The following PKP4 variants were observed in gnomAD, a reference collection of about 807,000 sequenced individuals.
PKP4 encodes plakophilin-4.
PKP4 carries 90 observed loss-of-function variants against 145.1 expected under a neutral mutation model. The observed-to-expected ratio is 0.62, with a 90% CI of 0.52 to 0.74. PKP4 has a LOEUF of 0.74. Among genes scored for constraint, PKP4 ranks in the 30% least tolerant of loss-of-function variants. The pLI is 0.00. For missense variants in PKP4, 1,340 were observed against 1,482.7 expected (o/e 0.90, Z 1.58); for synonymous variants, 563 against 577.2 (o/e 0.98, Z 0.35).
chr2:158,517,554 T>C (rs984514390), intron 1 of PKP4, among the ~76,000 whole-genome samples: 1 of 152,202 alleles, frequency 6.6e-6, no homozygotes, highest in Non-Finnish European at 1.5e-5. Context: ...ACCTGGTTTA[T>C]AGTGTGGTTG....
intron 2 of PKP4, among the ~76,000 whole-genome samples, chr2:158,540,660 T>TATGTC (rs897283489): frequency 2.0e-5 from 3 of 152,130 alleles, no homozygotes; most frequent in Non-Finnish European, 4.4e-5. Context: ...TGCCCCCTTT[T>TATGTC]AGTTTAAACA....
rs938031945 is a variant in PKP4, at chr2:158,614,735, T to A, written c.281-6255T>A. ...AAAATCAAGAATCCAGTTTTAGCCTTTAATATTTTATGTTTGATATAAACA... is the reference window on the plus strand; with the variant it reads ...AAAATCAAGAATCCAGTTTTAGCCTATAATATTTTATGTTTGATATAAACA... On this transcript the variant is annotated intron_variant, in intron 4 of 21. Transcript: ENST00000389759. 1.4e-4 allele frequency among the ~76,000 whole-genome samples: 22 copies of A among 152,212 alleles called. 1 individual carries two copies. The highest frequency in any genetic ancestry group is 1.4e-3 in the Admixed American group (22 of 15,282).
At chr2:158,465,345 C>G (rs1359572327) in intron 1 of PKP4, among the ~76,000 whole-genome samples, 1 of 152,120 alleles carries the variant, frequency 6.6e-6, no homozygotes, top group Non-Finnish European at 1.5e-5. Context: ...GAAAAGTCTG[C>G]ACCAAAGATA....
In PKP4 at chr2:158,640,726, C is replaced by T. The variant is rs755688367; in HGVS notation, c.1662C>T (p.His554=). Residue 554 remains histidine, a synonymous_variant, in exon 10 of 22, where the codon CAC becomes CAT. Coordinates refer to ENST00000389759, the MANE Select transcript of PKP4 (RefSeq NM_003628.6). The part of the protein sequence containing the change: ...VQANAAAYLQ[H]LCFGDNKVKM... ...CAAATGCAGCGGCCTACCTGCAGCA[C>T]CTGTGCTTTGGTGACAACAAAGTGA... The T allele has an allele frequency of 1.2e-6, 2 of 1,614,118 alleles. No individual in the cohort carries two copies. The highest frequency in any genetic ancestry group is 2.2e-5 in the South Asian group (2 of 91,088).
chr2:158,577,215 C>A, intron 2 of PKP4, 56 bp from the exon 3 acceptor site: 1 of 1,025,956 alleles, frequency 9.7e-7, no homozygotes, highest in Non-Finnish European at 1.5e-6. Flanking sequence ...ATTCATATAT[C>A]TGCCTGAGCA....
At position 158,463,317 on chromosome 2, in the gene PKP4, G is replaced by A. The variant is rs139050736; in HGVS notation, c.-6+6099G>A. ...TTGCTAGTCAGTACATGAATAAAGC[G>A]TTAGAAAGTGTTCATCATTTAACAC... On this transcript the variant is annotated intron_variant, in intron 1 of 21. Coordinates refer to ENST00000389759, the MANE Select transcript of PKP4 (RefSeq NM_003628.6). 7.0e-3 allele frequency among the ~76,000 whole-genome samples: 1,061 copies of A among 151,472 alleles called. 6 individuals carry two copies. The highest frequency in any genetic ancestry group is 0.017 in the Middle Eastern group (5 of 294).
At chr2:158,607,135 T>C (rs1311052224) in intron 4 of PKP4, among the ~76,000 whole-genome samples, 2 of 152,224 alleles carry the variant, frequency 1.3e-5, no homozygotes, top group Non-Finnish European at 2.9e-5. Flanking sequence ...ACCAAGTTGC[T>C]TTCCTGAAAG....
At chr2:158,521,391 A>G (rs930370033) in intron 1 of PKP4, among the ~76,000 whole-genome samples, 2 of 152,072 alleles carry the variant, frequency 1.3e-5, no homozygotes, top group African/African-American at 4.8e-5. Context: ...AATTTTTTTT[A>G]CCAGATTATC....
chr2:158,497,235 C>G (rs1015618700), intron 1 of PKP4, among the ~76,000 whole-genome samples: 11 of 152,152 alleles, frequency 7.2e-5, no homozygotes, highest in South Asian at 2.1e-4. Context: ...ATTCAACTAT[C>G]GGGAAGCTCC....
chr2:158,662,790 A>T, intron 13 of PKP4, 107 bp from the exon 14 acceptor site: 3 of 719,900 alleles, frequency 4.2e-6, no homozygotes, highest in Non-Finnish European at 6.6e-6. Flanking sequence ...AATAAAAAGT[A>T]GTTCTTTCAT....
chr2:158,607,172 G>T (rs950865120), intron 4 of PKP4, among the ~76,000 whole-genome samples: 1 of 152,108 alleles, frequency 6.6e-6, no homozygotes, highest in African/African-American at 2.4e-5. Context: ...CTCCCTCCAG[G>T]TGTATGGGAT....
rs1488638042 is a variant in PKP4, at chr2:158,680,659, C to T, written c.3561C>T (p.Ser1187=). ...PSYRAEQYPG[S]PDSWV Reference sequence around the variant, plus strand: ...ATAGAGCAGAACAGTACCCAGGGTCCCCAGACTCATGGGTGTAGCATCAAG... The same window carrying T: ...ATAGAGCAGAACAGTACCCAGGGTCTCCAGACTCATGGGTGTAGCATCAAG... Residue 1187 remains serine (S), a synonymous_variant, in exon 22 of 22, where the codon TCC becomes TCT. Coordinates refer to ENST00000389759, the MANE Select transcript of PKP4 (RefSeq NM_003628.6). The T allele has an allele frequency of 6.2e-7, 1 of 1,612,954 alleles. No homozygotes were observed. Among genetic ancestry groups the T allele is most frequent in the South Asian group, 1.1e-5 (1 of 90,806 alleles).
At chr2:158,589,418 C>G (rs751689257) in intron 3 of PKP4, among the ~76,000 whole-genome samples, 1 of 152,148 alleles carries the variant, frequency 6.6e-6, no homozygotes, top group Non-Finnish European at 1.5e-5. Flanking sequence ...TGCCACTGCA[C>G]CCCTCCAAAC....
chr2:158,511,944 A>G (rs2041555563), intron 1 of PKP4, among the ~76,000 whole-genome samples: 1 of 152,218 alleles, frequency 6.6e-6, no homozygotes, highest in South Asian at 2.1e-4. Context: ...TATTAAAGCC[A>G]GCAAGAATGG....
intron 3 of PKP4, among the ~76,000 whole-genome samples, chr2:158,586,303 A>G (rs2048800319): frequency 6.6e-6 from 1 of 152,170 alleles, no homozygotes; most frequent in Non-Finnish European, 1.5e-5. Context: ...GAGCAAAGGG[A>G]GATTCCCCTT....
chr2:158,512,461 C>T (rs1468639821), intron 1 of PKP4, among the ~76,000 whole-genome samples: 1 of 152,216 alleles, frequency 6.6e-6, no homozygotes, highest in African/African-American at 2.4e-5. Context: ...GCATGTGCAA[C>T]ATTCTCAGCC....
intron 1 of PKP4, among the ~76,000 whole-genome samples, chr2:158,494,624 G>T (rs948842554): frequency 1.3e-5 from 2 of 152,140 alleles, no homozygotes; most frequent in Admixed American, 1.3e-4. Flanking sequence ...CAGTTGCAAA[G>T]ACTTTTTCAA....
At position 158,476,693 on chromosome 2, in the gene PKP4, C is replaced by T. The variant is rs1014109735; in HGVS notation, c.-6+19475C>T. 6.6e-5 allele frequency among the ~76,000 whole-genome samples: 10 copies of T among 150,842 alleles called. No individual in the cohort carries two copies. In the South Asian group the frequency reaches 1.0e-3, roughly 16 times the overall value. On this transcript the variant is annotated intron_variant, in intron 1 of 21. Coordinates refer to ENST00000389759, the MANE Select transcript of PKP4 (RefSeq NM_003628.6). ...AGAGACCTGCTGTTTCAAGTTTAGG[C>T]GATCTCACTTTTAAAATAGTTTTTT...
intron 11 of PKP4, among the ~76,000 whole-genome samples, chr2:158,653,271 TAC>T (rs2055575218): frequency 6.6e-6 from 1 of 152,224 alleles, no homozygotes; most frequent in South Asian, 2.1e-4. Context: ...CTTTAAGAAG[TAC>T]ATTTTTCAAA....
Sources: gnomAD v4.1 joint callset for allele counts (sites outside exome capture counted in the v4.1 genomes callset) on GRCh38, gnomAD v4.1.1 for gene constraint, MANE v1.5 for transcripts, NCBI Gene and HGNC (gene_info 2026-07-23, HGNC 2026-07-21) for gene names.